TFEC: variants seen among roughly 807,000 people sequenced by gnomAD.
TFEC encodes the protein class E basic helix-loop-helix protein 34.
Under a neutral mutation model 41.6 loss-of-function variants are expected in TFEC, and 31 were observed. That is an observed-to-expected ratio of 0.74 (90% CI 0.56 to 1.01). The LOEUF (loss-of-function observed/expected upper bound fraction) is 1.01, where lower values mean the gene tolerates loss of function less well. Among genes scored for constraint, TFEC ranks in the 50% least tolerant of loss-of-function variants. TFEC has a pLI of 0.00. For missense variants in TFEC, 402 were observed against 404.1 expected, an observed-to-expected ratio of 0.99 and a Z score of 0.04; for synonymous variants, 143 against 140.6, an observed-to-expected ratio of 1.02 and a Z score of -0.12.
intron 3 of TFEC, among the ~76,000 whole-genome samples, chr7:115,973,343 T>G (rs1419919282): frequency 6.6e-6 from 1 of 151,982 alleles, no homozygotes; most frequent in Non-Finnish European, 1.5e-5. Flanking sequence ...CCTATTGACT[T>G]ATAGATGAAT....
chr7:116,124,062 G>A (rs547833236), intron 1 of TFEC, among the ~76,000 whole-genome samples: 7 of 152,178 alleles, frequency 4.6e-5, no homozygotes, highest in Non-Finnish European at 8.8e-5. Context: ...AAGATTGCTG[G>A]AACTATATTC....
intron 3 of TFEC, among the ~76,000 whole-genome samples, chr7:116,079,307 A>G (rs908549633): frequency 2.0e-5 from 3 of 152,138 alleles, no homozygotes; most frequent in African/African-American, 7.2e-5. Context: ...TCTATTGAAC[A>G]TAGTACTGGA....
At chr7:115,968,327 T>C in intron 3 of TFEC, 2 of 1,481,028 alleles carry the variant, frequency 1.4e-6, no homozygotes, top group Non-Finnish European at 1.8e-6. Context: ...ACTTTGGTTC[T>C]TCTTTGGACT....
chr7:116,110,845 T>C (rs1056842322), exon 3 of TFEC: 3 of 1,545,490 alleles, frequency 1.9e-6, no homozygotes, highest in South Asian at 1.2e-5. Flanking sequence ...TGAAGTCTTC[T>C]CTCCTTTTCT....
chr7:116,067,946 A>G (rs961253348), intron 3 of TFEC, among the ~76,000 whole-genome samples: 2 of 151,788 alleles, frequency 1.3e-5, no homozygotes, highest in Non-Finnish European at 2.9e-5. Context: ...CTCCCTGAAA[A>G]TCTTGACCCA....
chr7:116,045,511 C>T (rs1342103239), intron 3 of TFEC, among the ~76,000 whole-genome samples: 1 of 152,214 alleles, frequency 6.6e-6, no homozygotes, highest in East Asian at 1.9e-4. Context: ...GGTGTTGAGC[C>T]TGCGTGTACA....
chr7:116,094,239 G>T (rs1187082287), intron 3 of TFEC, among the ~76,000 whole-genome samples: 1 of 152,176 alleles, frequency 6.6e-6, no homozygotes, highest in Non-Finnish European at 1.5e-5. Context: ...ATAAAAGTCA[G>T]AATTGGTTTG....
intron 1 of TFEC, among the ~76,000 whole-genome samples, chr7:115,999,960 C>T (rs1794524547): frequency 6.6e-6 from 1 of 151,566 alleles, no homozygotes; most frequent in Non-Finnish European, 1.5e-5. Context: ...AACTTCTAAA[C>T]CCATTCTACA....
Position 116,058,637 on chromosome 7 carries a change from T to C in TFEC, c.198+52071A>G, listed in dbSNP as rs560728768. ...AAATTGACCAAGACAGGTCATACTATGGGCAATAAAACAAATATTAATAAA... is the reference window on the plus strand; with the variant it reads ...AAATTGACCAAGACAGGTCATACTACGGGCAATAAAACAAATATTAATAAA... On this transcript the variant is annotated intron_variant, in intron 3 of 8. Transcript: ENST00000484212. Among the ~76,000 whole-genome samples the C allele has an allele frequency of 2.6e-5, 4 of 151,898 alleles. No homozygotes were observed. The South Asian group carries it at 6.2e-4, about 24-fold the overall frequency.
chr7:116,086,865 T>C (rs1797215368), intron 3 of TFEC, among the ~76,000 whole-genome samples: 1 of 151,980 alleles, frequency 6.6e-6, no homozygotes, highest in South Asian at 2.1e-4. Context: ...ACATATGTTT[T>C]TACATTTTCT....
chr7:116,133,537 GAAAA>G (rs770772031), intron 1 of TFEC, among the ~76,000 whole-genome samples: 1 of 112,020 alleles, frequency 8.9e-6, no homozygotes, highest in Admixed American at 9.3e-5. Context: ...CTCTGTCTCA[GAAAA>G]AAAAAAAAAA....
chr7:116,017,546 C>A (rs1795239935), intron 1 of TFEC, among the ~76,000 whole-genome samples: 1 of 152,050 alleles, frequency 6.6e-6, no homozygotes, highest in African/African-American at 2.4e-5. Flanking sequence ...AGAATGAAAT[C>A]CAGCTTCCGT....
At chr7:116,058,408 T>C (rs1465390997) in intron 3 of TFEC, among the ~76,000 whole-genome samples, 2 of 151,562 alleles carry the variant, frequency 1.3e-5, no homozygotes, top group Non-Finnish European at 3.0e-5. Context: ...AATCAAAAAA[T>C]AGAAAATTAG....
At chr7:116,007,161 A>C (rs1322642309) in intron 1 of TFEC, among the ~76,000 whole-genome samples, 1 of 152,218 alleles carries the variant, frequency 6.6e-6, no homozygotes, top group South Asian at 2.1e-4. Flanking sequence ...TTAGACAGGA[A>C]ATTAATGCAG....
intron 2 of TFEC, among the ~76,000 whole-genome samples, chr7:115,976,276 T>G (rs1175606728): frequency 6.6e-6 from 1 of 151,754 alleles, no homozygotes; most frequent in South Asian, 2.1e-4. Context: ...AATACAAAAA[T>G]TAGCCAGGCG....
chr7:115,956,942 G>A, intron 3 of TFEC, 149 bp from the exon 4 acceptor site: 2 of 440,612 alleles, frequency 4.5e-6, no homozygotes, highest in East Asian at 7.2e-5. Context: ...AACAAGACGA[G>A]TATGCATTAA....
At chr7:115,990,303 T>TA (rs1794048957) in intron 1 of TFEC, among the ~76,000 whole-genome samples, 1 of 152,178 alleles carries the variant, frequency 6.6e-6, no homozygotes, top group Non-Finnish European at 1.5e-5. Flanking sequence ...CTGAAAATTC[T>TA]AAAATCAGAG....
At chr7:116,081,148 G>A (rs373209206) in intron 3 of TFEC, among the ~76,000 whole-genome samples, 8 of 151,808 alleles carry the variant, frequency 5.3e-5, no homozygotes, top group African/African-American at 1.2e-4. Flanking sequence ...GTTCTCACTC[G>A]TAAGTGGGAG....
chr7:116,066,056 C>T (rs983028512), intron 3 of TFEC, among the ~76,000 whole-genome samples: 16 of 152,292 alleles, frequency 1.1e-4, no homozygotes, highest in Middle Eastern at 3.4e-3. Flanking sequence ...GAATCACTGG[C>T]AAATGCTAGC....
Sources: gnomAD v4.1 joint callset for allele counts (sites outside exome capture counted in the v4.1 genomes callset) on GRCh38, gnomAD v4.1.1 for gene constraint, MANE v1.5 for transcripts, NCBI Gene and HGNC (gene_info 2026-07-23, HGNC 2026-07-21) for gene names.